CNTNAP4: variants seen among roughly 807,000 people sequenced by gnomAD.
CNTNAP4 encodes contactin associated protein family member 4.
A neutral mutation model predicts 148.4 loss-of-function variants in CNTNAP4; 98 were observed. The ratio of observed to expected loss-of-function variants is 0.66; its 90% CI spans 0.56 to 0.78. The LOEUF is 0.78. Among genes scored for constraint, CNTNAP4 ranks in the 30% least tolerant of loss-of-function variants. The probability of loss-of-function intolerance (pLI) is 0.00; values close to 1 mark genes in which losing one functional copy is unlikely to be tolerated. For synonymous variants in CNTNAP4, 730 were observed against 565.1 expected (o/e 1.29, Z -4.14); for missense variants, 1,935 against 1,565.6 (o/e 1.24, Z -3.98).
At chr16:76,517,647 C>G (rs78466945) in intron 15 of CNTNAP4, among the ~76,000 whole-genome samples, 1 of 152,042 alleles carries the variant, frequency 6.6e-6, no homozygotes, top group African/African-American at 2.4e-5. Flanking sequence ...AAATACTGTT[C>G]CTTTATAAAC....
chr16:76,298,486 A>ATGTGTGTG (rs3975398), intron 1 of CNTNAP4, among the ~76,000 whole-genome samples: 344 of 129,468 alleles, frequency 2.7e-3, no homozygotes, highest in African/African-American at 3.3e-3. Context: ...GTGTACATGT[A>ATGTGTGTG]TGTGTGTGTG....
intron 3 of CNTNAP4, among the ~76,000 whole-genome samples, chr16:76,415,932 T>G (rs1393006336): frequency 2.1e-4 from 2 of 9,484 alleles, no homozygotes; most frequent in African/African-American, 2.9e-4. Flanking sequence ...TACTGTTTGT[T>G]TTTTTTTTTT....
chr16:76,315,507 A>G (rs1567672722), intron 1 of CNTNAP4, among the ~76,000 whole-genome samples: 1 of 152,182 alleles, frequency 6.6e-6, no homozygotes, highest in African/African-American at 2.4e-5. Context: ...TTGCTAGTCT[A>G]ATGTCCATAA....
chr16:76,522,687 CTTTCTTTTCTTTTCTTTTCT>C (rs71378619), intron 17 of CNTNAP4, among the ~76,000 whole-genome samples: 1,899 of 29,814 alleles, frequency 0.064, 105 homozygotes, highest in Admixed American at 0.11. Context: ...TCTTTCTCTC[CTTTCTTTTCTTTTCTTTTCT>C]TTTCTTTTCT....
intron 21 of CNTNAP4, among the ~76,000 whole-genome samples, chr16:76,545,339 G>T (rs2084664627): frequency 6.6e-6 from 1 of 152,162 alleles, no homozygotes; most frequent in African/African-American, 2.4e-5. Flanking sequence ...CATAATACAT[G>T]AAAGTAGATC....
At chr16:76,377,416 A>G (rs2015531354) in intron 3 of CNTNAP4, among the ~76,000 whole-genome samples, 1 of 152,218 alleles carries the variant, frequency 6.6e-6, no homozygotes, top group Non-Finnish European at 1.5e-5. Context: ...AAATGGAATG[A>G]TGGAAGAGAG....
At chr16:76,499,949 G>A (rs2082561682) in intron 15 of CNTNAP4, among the ~76,000 whole-genome samples, 1 of 152,096 alleles carries the variant, frequency 6.6e-6, no homozygotes, top group Non-Finnish European at 1.5e-5. Context: ...AGTCTCCTAT[G>A]TCTACTTCTT....
intron 15 of CNTNAP4, among the ~76,000 whole-genome samples, chr16:76,520,140 A>G (rs2144091291): frequency 6.6e-6 from 1 of 152,302 alleles, no homozygotes; most frequent in South Asian, 2.1e-4. Flanking sequence ...GTATATTCGT[A>G]TTTGATGTGC....
chr16:76,553,965 A>C (rs1221742032), intron 23 of CNTNAP4, 58 bp downstream of exon 23: 6 of 1,078,280 alleles, frequency 5.6e-6, no homozygotes, highest in African/African-American at 1.6e-5. Flanking sequence ...ATGATGATGA[A>C]TATTTAGCAT....
At chr16:76,397,824 G>A (rs536191552) in intron 3 of CNTNAP4, among the ~76,000 whole-genome samples, 8 of 136,672 alleles carry the variant, frequency 5.9e-5, no homozygotes, top group African/African-American at 2.3e-4. Flanking sequence ...TGTGTAGAGC[G>A]AAGGAAAGAG....
intron 3 of CNTNAP4, among the ~76,000 whole-genome samples, chr16:76,374,048 G>A (rs1412952801): frequency 2.0e-5 from 3 of 152,052 alleles, no homozygotes; most frequent in Non-Finnish European, 4.4e-5. Flanking sequence ...TTTGTAATTG[G>A]CTTTTGAATA....
intron 5 of CNTNAP4, 125 bp from the exon 6 acceptor site, chr16:76,448,642 T>A (rs1476371679): frequency 9.1e-6 from 6 of 657,746 alleles, no homozygotes; most frequent in Non-Finnish European, 1.5e-5. Context: ...CATCCTAGTA[T>A]TTGAAACGGA....
intron 10 of CNTNAP4, among the ~76,000 whole-genome samples, chr16:76,473,800 G>A (rs7186726): frequency 0.98 from 149,188 of 151,736 alleles, 73,384 homozygotes; most frequent in East Asian, 1. Flanking sequence ...AGGAGATTGC[G>A]GAAACCCTAT....
chr16:76,315,191 T>G (rs149347085), intron 1 of CNTNAP4, among the ~76,000 whole-genome samples: 6 of 152,316 alleles, frequency 3.9e-5, no homozygotes, highest in Non-Finnish European at 8.8e-5. Flanking sequence ...TGTTTGCTAT[T>G]ATGAGCAACG....
chr16:76,336,223 C>T (rs1433140378), intron 2 of CNTNAP4, among the ~76,000 whole-genome samples: 1 of 152,166 alleles, frequency 6.6e-6, no homozygotes, highest in Non-Finnish European at 1.5e-5. Context: ...GATTTTCACA[C>T]TTGAGGCTGT....
At chr16:76,482,247 T>C (rs913847032) in intron 12 of CNTNAP4, among the ~76,000 whole-genome samples, 4 of 152,066 alleles carry the variant, frequency 2.6e-5, no homozygotes, top group African/African-American at 4.8e-5. Context: ...TACAAGATAA[T>C]AGCACTGTAG....
intron 3 of CNTNAP4, among the ~76,000 whole-genome samples, chr16:76,362,183 A>G (rs1356401552): frequency 6.6e-6 from 1 of 152,298 alleles, no homozygotes; most frequent in Admixed American, 6.5e-5. Context: ...ATACTTAGGA[A>G]TAAACTTTAC....
intron 2 of CNTNAP4, among the ~76,000 whole-genome samples, chr16:76,338,751 A>T (rs897262702): frequency 6.6e-6 from 1 of 152,156 alleles, no homozygotes; most frequent in Non-Finnish European, 1.5e-5. Flanking sequence ...ACTTTACCAG[A>T]TCTTTGTAAC....
At chr16:76,359,662 A>G (rs1000462050) in intron 3 of CNTNAP4, among the ~76,000 whole-genome samples, 3 of 152,180 alleles carry the variant, frequency 2.0e-5, no homozygotes, top group Non-Finnish European at 2.9e-5. Flanking sequence ...TTATAGTGCA[A>G]TGTTCATAAA....
Sources: allele counts gnomAD v4.1 joint callset (sites outside exome capture counted in the v4.1 genomes callset), GRCh38; gene constraint gnomAD v4.1.1; transcripts MANE v1.5; gene names NCBI Gene and HGNC (gene_info 2026-07-23, HGNC 2026-07-21).